Variants in CROT observed in about 807,000 individuals in gnomAD.
CROT encodes peroxisomal carnitine O-octanoyltransferase.
CROT carries 84 observed loss-of-function variants against 89.2 expected under a neutral mutation model. That is an observed-to-expected ratio of 0.94 (90% CI 0.79 to 1.13). The LOEUF (loss-of-function observed/expected upper bound fraction) is 1.13. CROT is among the 50% of genes most tolerant of loss of function. CROT has a pLI of 0.00. For missense variants in CROT, 711 were observed against 727.8 expected (o/e 0.98, Z 0.27); for synonymous variants, 212 against 239.5 (o/e 0.89, Z 1.06).
intron 13 of CROT, among the ~76,000 whole-genome samples, chr7:87,384,957 T>C (rs1282659815): frequency 6.6e-6 from 1 of 152,206 alleles, no homozygotes; most frequent in East Asian, 1.9e-4. Context: ...TGGAGCCATT[T>C]ATTGAAGAGC....
At chr7:87,397,602 C>T (rs1173161270) in intron 17 of CROT, among the ~76,000 whole-genome samples, 2 of 152,080 alleles carry the variant, frequency 1.3e-5, no homozygotes, top group Non-Finnish European at 2.9e-5. Flanking sequence ...AATTCCATGC[C>T]AAGTGTAGCT....
At chr7:87,390,543 G>A (rs568077494) in intron 13 of CROT, among the ~76,000 whole-genome samples, 155 of 152,274 alleles carry the variant, frequency 1.0e-3, no homozygotes, top group African/African-American at 3.6e-3. Context: ...AACAGAAGAG[G>A]CTTGAAAACT....
At chr7:87,392,532 G>T in intron 14 of CROT, 34 bp from the exon 15 acceptor site, 1 of 1,560,200 alleles carries the variant, frequency 6.4e-7, no homozygotes, top group Admixed American at 1.7e-5. Flanking sequence ...TTTGCACAGT[G>T]TGTTATTGAA....
At chr7:87,386,314 G>A (rs1807181378) in intron 13 of CROT, among the ~76,000 whole-genome samples, 1 of 152,122 alleles carries the variant, frequency 6.6e-6, no homozygotes, top group Non-Finnish European at 1.5e-5. Context: ...TGCTTAATGG[G>A]AGACTTTTTA....
chr7:87,392,426 T>C (rs1003866902), intron 14 of CROT, 140 bp from the exon 15 acceptor site: 8 of 680,624 alleles, frequency 1.2e-5, no homozygotes, highest in East Asian at 2.5e-5. Flanking sequence ...TGGAAAGATA[T>C]AGGAGTATGT....
intron 3 of CROT, among the ~76,000 whole-genome samples, chr7:87,356,886 G>C (rs975461830): frequency 1.1e-4 from 16 of 152,192 alleles, no homozygotes; most frequent in Non-Finnish European, 1.6e-4. Context: ...GCTGGGCGTG[G>C]TGGTGGGCAC....
chr7:87,393,344 A>G (rs1246210411), intron 17 of CROT, among the ~76,000 whole-genome samples: 1 of 152,172 alleles, frequency 6.6e-6, no homozygotes, highest in Non-Finnish European at 1.5e-5. Context: ...CAGTACACCC[A>G]TGAACATATT....
rs577578543 is a variant in CROT, at chr7:87,391,560, T to C, written c.1302-29T>C. On this transcript the variant is annotated intron_variant, in intron 13 of 17. Coordinates refer to ENST00000331536, the MANE Select transcript of CROT (RefSeq NM_021151.4). Reference sequence around the variant, plus strand: ...TGATATTAGAGCATTTTCTTTCTTATGATACACTCTTTTAATTTTTTCTTG... The same window carrying C: ...TGATATTAGAGCATTTTCTTTCTTACGATACACTCTTTTAATTTTTTCTTG... 96 of 1,577,988 alleles carry C rather than the reference T, an allele frequency of 6.1e-5. 1 individual carries two copies. The East Asian group carries it at 2.1e-3, about 35-fold the overall frequency.
chr7:87,378,907 C>A (rs73196425), intron 10 of CROT, among the ~76,000 whole-genome samples: 1 of 152,276 alleles, frequency 6.6e-6, no homozygotes, highest in South Asian at 2.1e-4. Flanking sequence ...AAGTAAATGT[C>A]TATTGGAGTA....
At chr7:87,348,487 C>T (rs1805765344) in intron 2 of CROT, among the ~76,000 whole-genome samples, 1 of 152,074 alleles carries the variant, frequency 6.6e-6, no homozygotes, top group Non-Finnish European at 1.5e-5. Flanking sequence ...CTTTGTGCTC[C>T]AAAGTTTTCT....
chr7:87,352,572 C>CA (rs1315949793), intron 3 of CROT, among the ~76,000 whole-genome samples: 2 of 152,146 alleles, frequency 1.3e-5, no homozygotes, highest in Non-Finnish European at 2.9e-5. Context: ...TAAAATACAA[C>CA]ATTTTGTTCA....
chr7:87,367,693 A>G (rs1395424607), intron 6 of CROT, among the ~76,000 whole-genome samples: 3 of 152,192 alleles, frequency 2.0e-5, no homozygotes, highest in Admixed American at 2.0e-4. Context: ...TTGCTTAGTC[A>G]AGAAACTTGC....
intron 10 of CROT, among the ~76,000 whole-genome samples, chr7:87,377,944 C>G (rs1050119591): frequency 6.6e-6 from 1 of 152,114 alleles, no homozygotes; most frequent in Non-Finnish European, 1.5e-5. Flanking sequence ...AAATGAACAA[C>G]TTTTCTTGCT....
chr7:87,354,114 A>G (rs1805975859), intron 3 of CROT, among the ~76,000 whole-genome samples: 1 of 152,254 alleles, frequency 6.6e-6, no homozygotes. Context: ...AAACAGAAGC[A>G]GAGGTCATTG....
chr7:87,352,401 T>A (rs901884458), intron 3 of CROT, among the ~76,000 whole-genome samples: 1 of 152,198 alleles, frequency 6.6e-6, no homozygotes, highest in Non-Finnish European at 1.5e-5. Flanking sequence ...TTAAACTTTC[T>A]AGGCCAGATG....
intron 6 of CROT, among the ~76,000 whole-genome samples, chr7:87,364,325 G>T (rs1200308584): frequency 6.6e-6 from 1 of 152,164 alleles, no homozygotes; most frequent in Non-Finnish European, 1.5e-5. Flanking sequence ...AATCAGAGGA[G>T]GAGGAGCCAG....
rs754075882 is a variant in CROT at position 87,349,089 on chromosome 7, A to G, written c.21A>G (p.Lys7=). ...TTATCATGGAAAATCAATTGGCTAA[A>G]TCAACTGAAGAACGAACATTTCAGT... MENQLA[K]STEERTFQYQ... The change falls in exon 3 of 18, where the codon AAA becomes AAG. Residue 7 remains lysine (K), a synonymous_variant. Transcript: ENST00000331536. 1 of 1,602,100 alleles carries G rather than the reference A, an allele frequency of 6.2e-7. No homozygotes were observed. Among genetic ancestry groups the G allele is most frequent in the South Asian group, 1.1e-5 (1 of 89,274 alleles).
intron 14 of CROT, among the ~76,000 whole-genome samples, chr7:87,392,045 G>A (rs191313672): frequency 3.7e-4 from 56 of 152,306 alleles, no homozygotes; most frequent in Non-Finnish European, 7.2e-4. Flanking sequence ...TTTTCTTGAT[G>A]TGGTTGAATG....
intron 13 of CROT, among the ~76,000 whole-genome samples, chr7:87,388,758 AAGCCAAAATTGACAAATGGG>A (rs1466945239): frequency 2.0e-5 from 3 of 152,250 alleles, no homozygotes; most frequent in Non-Finnish European, 4.4e-5. Context: ...ATGGCAACAA[AAGCCAAAATTGACAAATGGG>A]ATCTAATTAA....
Sources: gnomAD v4.1 joint callset for allele counts (sites outside exome capture counted in the v4.1 genomes callset) on GRCh38, gnomAD v4.1.1 for gene constraint, MANE v1.5 for transcripts, NCBI Gene and HGNC (gene_info 2026-07-23, HGNC 2026-07-21) for gene names.